Variants in P3H2 observed in about 807,000 individuals in gnomAD.
The protein encoded by P3H2 is leprecan-like 1.
P3H2 carries 80 observed loss-of-function variants against 87.0 expected under a neutral mutation model. The observed-to-expected ratio is 0.92, with a 90% CI of 0.77 to 1.11. P3H2 has a LOEUF of 1.11. P3H2 is among the 50% of genes least tolerant of loss of function. The pLI, the probability that P3H2 is intolerant of heterozygous loss-of-function variation, is 0.00. For missense variants in P3H2, 1,001 were observed against 923.9 expected (o/e 1.08, Z -1.08); for synonymous variants, 367 against 359.3 (o/e 1.02, Z -0.24).
intron 1 of P3H2, among the ~76,000 whole-genome samples, chr3:190,092,671 G>A (rs538385743): frequency 3.9e-4 from 59 of 152,244 alleles, no homozygotes; most frequent in African/African-American, 1.4e-3. Flanking sequence ...CAGTCTTACT[G>A]GTATGTGCCC....
intron 1 of P3H2, among the ~76,000 whole-genome samples, chr3:190,008,385 C>A (rs567268565): frequency 1.3e-5 from 2 of 152,070 alleles, no homozygotes; most frequent in East Asian, 3.9e-4. Context: ...CCCAGAATAA[C>A]GCAAATTAAA....
intron 1 of P3H2, among the ~76,000 whole-genome samples, chr3:190,013,462 G>C (rs1047801316): frequency 1.3e-5 from 2 of 152,222 alleles, no homozygotes; most frequent in Non-Finnish European, 2.9e-5. Flanking sequence ...TTGATAAGCT[G>C]AAAGGCATTT....
At chr3:189,991,020 C>T (rs960715294) in intron 3 of P3H2, among the ~76,000 whole-genome samples, 13 of 151,652 alleles carry the variant, frequency 8.6e-5, no homozygotes, top group African/African-American at 2.7e-4. Context: ...GGTGTAGAGG[C>T]GAATGTGGGC....
At chr3:189,966,166 AG>A (rs1722998013) in intron 13 of P3H2, among the ~76,000 whole-genome samples, 1 of 147,690 alleles carries the variant, frequency 6.8e-6, no homozygotes, top group Admixed American at 6.8e-5. Flanking sequence ...AAAGAAAGAA[AG>A]AAAGAAAGAA....
intron 1 of P3H2, among the ~76,000 whole-genome samples, chr3:190,025,126 G>A (rs753917377): frequency 1.7e-4 from 26 of 152,058 alleles, no homozygotes; most frequent in Non-Finnish European, 3.5e-4. Flanking sequence ...GGGGCTTCCT[G>A]CTTAATGAAT....
intron 1 of P3H2, among the ~76,000 whole-genome samples, chr3:190,119,231 C>CAGCAGAGCAGAGCAG (rs143484200): frequency 1.1e-4 from 14 of 121,840 alleles, no homozygotes; most frequent in Non-Finnish European, 2.4e-4. Flanking sequence ...AAGCAGAGCA[C>CAGCAGAGCAGAGCAG]AGCAGAGCAG....
intron 1 of P3H2, among the ~76,000 whole-genome samples, chr3:190,005,227 T>C (rs1334748521): frequency 6.6e-6 from 1 of 152,222 alleles, no homozygotes; most frequent in Non-Finnish European, 1.5e-5. Flanking sequence ...AACATTGTTT[T>C]GTGAAATGAC....
At chr3:190,047,057 A>G (rs1449131577) in intron 1 of P3H2, among the ~76,000 whole-genome samples, 1 of 152,166 alleles carries the variant, frequency 6.6e-6, no homozygotes, top group African/African-American at 2.4e-5. Context: ...AAAAAAACAA[A>G]TAATCTGATC....
intron 7 of P3H2, 80 bp from the exon 8 acceptor site, chr3:189,983,220 G>C (rs1560347788): frequency 3.9e-6 from 4 of 1,029,124 alleles, no homozygotes; most frequent in Middle Eastern, 2.1e-4. Flanking sequence ...TACCAAGGTA[G>C]TCTGTGACTC....
At chr3:190,043,149 C>CTCTG (rs1725692123) in intron 1 of P3H2, among the ~76,000 whole-genome samples, 1 of 150,772 alleles carries the variant, frequency 6.6e-6, no homozygotes, top group Non-Finnish European at 1.5e-5. Flanking sequence ...ATAGAAGCGT[C>CTCTG]TGTGTGTGTG....
intron 1 of P3H2, among the ~76,000 whole-genome samples, chr3:190,009,108 C>T (rs35371938): frequency 0.25 from 37,551 of 151,872 alleles, 4,841 homozygotes; most frequent in East Asian, 0.35. Flanking sequence ...GAGTAAGACA[C>T]AGAGGAAAAG....
rs187240048 is a variant in P3H2 at position 190,016,388 on chromosome 3, C to T, written c.481-20946G>A. Among the ~76,000 whole-genome samples, 1,046 of 152,014 alleles carry T rather than the reference C, an allele frequency of 6.9e-3. 8 individuals carry two copies. Among genetic ancestry groups the T allele is most frequent in the Non-Finnish European group, 8.6e-3 (582 of 67,982 alleles). ...CCTCCCAGGTAGCTGGGATTACAGG[C>T]GCCCTCCACCACGCCCAGCTAATTT... is the stretch of plus-strand genomic sequence containing the variant. On this transcript the variant is annotated intron_variant, in intron 1 of 14. Coordinates refer to ENST00000319332, the MANE Select transcript of P3H2 (RefSeq NM_018192.4).
intron 1 of P3H2, among the ~76,000 whole-genome samples, chr3:190,108,366 C>T (rs1711933492): frequency 6.6e-6 from 1 of 152,088 alleles, no homozygotes; most frequent in South Asian, 2.1e-4. Flanking sequence ...TAACACATTC[C>T]ACTCCCCTCC....
intron 1 of P3H2, among the ~76,000 whole-genome samples, chr3:190,082,790 GT>G (rs959246587): frequency 1.3e-5 from 2 of 151,764 alleles, no homozygotes; most frequent in Non-Finnish European, 2.9e-5. Context: ...ACAGAGGTGG[GT>G]TTTTTTTAAT....
intron 1 of P3H2, among the ~76,000 whole-genome samples, chr3:190,101,565 A>T (rs1711629553): frequency 6.6e-6 from 1 of 151,968 alleles, no homozygotes; most frequent in African/African-American, 2.4e-5. Context: ...ACTCTCCTCA[A>T]TTCTGTGAAG....
intron 1 of P3H2, among the ~76,000 whole-genome samples, chr3:190,075,355 G>A (rs1202349067): frequency 6.6e-6 from 1 of 151,804 alleles, no homozygotes; most frequent in Non-Finnish European, 1.5e-5. Context: ...GAGTGTGGTG[G>A]GCACATGTAA....
At chr3:189,958,445 T>G (rs752029127) in intron 14 of P3H2, among the ~76,000 whole-genome samples, 1 of 152,174 alleles carries the variant, frequency 6.6e-6, no homozygotes, top group African/African-American at 2.4e-5. Flanking sequence ...CTGTTCTATC[T>G]GCTGTCTCTG....
chr3:190,059,076 A>G (rs1260363929), intron 1 of P3H2, among the ~76,000 whole-genome samples: 1 of 152,182 alleles, frequency 6.6e-6, no homozygotes, highest in Non-Finnish European at 1.5e-5. Flanking sequence ...CAAAGGCTGG[A>G]CTACACAGAG....
At chr3:190,093,114 T>A (rs1471468984) in intron 1 of P3H2, among the ~76,000 whole-genome samples, 2 of 152,178 alleles carry the variant, frequency 1.3e-5, no homozygotes, top group African/African-American at 4.8e-5. Context: ...TAGAAATAAT[T>A]CTGACATCAA....
Sources: allele counts gnomAD v4.1 joint callset (sites outside exome capture counted in the v4.1 genomes callset), GRCh38; gene constraint gnomAD v4.1.1; transcripts MANE v1.5; gene names NCBI Gene and HGNC (gene_info 2026-07-23, HGNC 2026-07-21).